SBF2: variants seen among roughly 807,000 people sequenced by gnomAD.
SBF2 encodes myotubularin-related protein 13.
In SBF2, 112 loss-of-function variants were observed where a neutral mutation model predicts 225.2. That is an observed-to-expected ratio of 0.50 (90% CI 0.43 to 0.58). The LOEUF (loss-of-function observed/expected upper bound fraction) is 0.58, where lower values mean the gene tolerates loss of function less well. Ranked by LOEUF, SBF2 falls within the 20% of genes least tolerant of loss-of-function variation. SBF2 has a pLI of 0.00. For synonymous variants in SBF2, 763 were observed against 773.3 expected (o/e 0.99, Z 0.22); for missense variants, 1,996 against 2,206.2 (o/e 0.90, Z 1.91).
At chr11:10,117,239 G>A (rs919545269) in intron 2 of SBF2, among the ~76,000 whole-genome samples, 7 of 151,906 alleles carry the variant, frequency 4.6e-5, no homozygotes, top group South Asian at 2.1e-4. Context: ...TTAGGAGTTC[G>A]AGACCAGCCT....
At chr11:10,155,522 A>G (rs1021661220) in intron 2 of SBF2, among the ~76,000 whole-genome samples, 3 of 152,148 alleles carry the variant, frequency 2.0e-5, no homozygotes, top group African/African-American at 7.2e-5. Flanking sequence ...AATAATATTT[A>G]TGTTTATAGT....
chr11:10,030,731 A>G (rs1335891742), intron 4 of SBF2, among the ~76,000 whole-genome samples: 1 of 152,198 alleles, frequency 6.6e-6, no homozygotes, highest in Non-Finnish European at 1.5e-5. Flanking sequence ...CGAATTTGTT[A>G]AATCACTCAT....
In SBF2 at chr11:10,271,719, T is replaced by C. The variant is rs1204763761; in HGVS notation, c.55+22296A>G. On this transcript the variant is annotated intron_variant, in intron 1 of 39. Transcript: ENST00000256190. ...ATGTAAACATCCAGTAAATGAAACA[T>C]ACATGATATTCCAGGTATAGAAATC... Among the ~76,000 whole-genome samples the C allele has an allele frequency of 2.5e-5, 3 of 118,532 alleles. 1 individual carries two copies. The highest frequency in any genetic ancestry group is 5.7e-4 in the South Asian group (2 of 3,508). The allele number at this position is 118,532 out of a possible 152,430, so 77.8% of individuals were successfully genotyped here.
intron 16 of SBF2, among the ~76,000 whole-genome samples, chr11:9,908,321 G>C (rs1564985503): frequency 6.6e-6 from 1 of 152,218 alleles, no homozygotes; most frequent in African/African-American, 2.4e-5. Context: ...ACTGGAAATT[G>C]TGAATAGAGA....
At chr11:10,126,852 TTTAAAAAGGAAAGA>T (rs1953779435) in intron 2 of SBF2, among the ~76,000 whole-genome samples, 1 of 152,062 alleles carries the variant, frequency 6.6e-6, no homozygotes. Flanking sequence ...ATTATTCATG[TTTAAAAAGGAAAGA>T]AATTCTGATA....
chr11:9,813,578 G>A (rs1038217743), intron 29 of SBF2, among the ~76,000 whole-genome samples: 3 of 152,060 alleles, frequency 2.0e-5, no homozygotes, highest in South Asian at 2.1e-4. Flanking sequence ...CGCCCACCTC[G>A]GCCTCCCAAA....
chr11:10,085,279 C>T (rs1011189172), intron 2 of SBF2, among the ~76,000 whole-genome samples: 1 of 152,140 alleles, frequency 6.6e-6, no homozygotes, highest in African/African-American at 2.4e-5. Flanking sequence ...TTCTCTCAAA[C>T]TCGTATTACA....
intron 6 of SBF2, among the ~76,000 whole-genome samples, chr11:10,022,142 T>C (rs1452874341): frequency 6.6e-6 from 1 of 152,196 alleles, no homozygotes. Context: ...ATTTATTCAA[T>C]AAACATTGAT....
intron 1 of SBF2, among the ~76,000 whole-genome samples, chr11:10,226,582 T>C (rs995924407): frequency 3.3e-5 from 5 of 151,996 alleles, no homozygotes; most frequent in Non-Finnish European, 7.4e-5. Context: ...ATGAGGTGTT[T>C]GGTTTTTTGT....
At chr11:9,869,992 A>G (rs1335475494) in intron 17 of SBF2, among the ~76,000 whole-genome samples, 2 of 152,214 alleles carry the variant, frequency 1.3e-5, no homozygotes, top group Non-Finnish European at 2.9e-5. Flanking sequence ...GCTGATAAGC[A>G]ACTTCAGCGA....
At chr11:9,864,062 G>A (rs918848507) in intron 17 of SBF2, among the ~76,000 whole-genome samples, 1 of 152,188 alleles carries the variant, frequency 6.6e-6, no homozygotes, top group African/African-American at 2.4e-5. Context: ...AACTCAGTTA[G>A]CAGGAGCAGA....
At chr11:10,113,466 C>A (rs2135021445) in intron 2 of SBF2, among the ~76,000 whole-genome samples, 1 of 151,984 alleles carries the variant, frequency 6.6e-6, no homozygotes, top group African/African-American at 2.4e-5. Flanking sequence ...ATAATGAGAG[C>A]AAATATAATT....
At chr11:10,003,475 C>T (rs1948061797) in intron 6 of SBF2, among the ~76,000 whole-genome samples, 2 of 151,732 alleles carry the variant, frequency 1.3e-5, no homozygotes, top group South Asian at 4.2e-4. Flanking sequence ...TCATGACATT[C>T]TCCTGCCTCA....
chr11:10,299,154 C>G (rs543728469), upstream of SBF2, among the ~76,000 whole-genome samples: 1 of 151,780 alleles, frequency 6.6e-6, no homozygotes, highest in Non-Finnish European at 1.5e-5. Flanking sequence ...CTGGCTAACA[C>G]GGTGAAACCC....
chr11:10,126,721 A>G (rs1178518922), intron 2 of SBF2, among the ~76,000 whole-genome samples: 1 of 152,122 alleles, frequency 6.6e-6, no homozygotes, highest in Non-Finnish European at 1.5e-5. Flanking sequence ...ATTCAAACAG[A>G]TATTTGTCTA....
At chr11:9,842,568 T>A in intron 25 of SBF2, 57 bp downstream of exon 25, 1 of 1,569,188 alleles carries the variant, frequency 6.4e-7, no homozygotes, top group Non-Finnish European at 8.8e-7. Context: ...CATCTGAGTC[T>A]CTTATTCATA....
rs1964621818 is a variant in SBF2 at position 10,303,783 on chromosome 11, C to G, written n.386+709G>C. ...ACCCCAGAAACCCACAAGCACGAAGCAGGAAGCCCCGTGGCTTAGCCTTTC... is the reference window on the plus strand; with the variant it reads ...ACCCCAGAAACCCACAAGCACGAAGGAGGAAGCCCCGTGGCTTAGCCTTTC... On this transcript the variant is annotated intron_variant and non_coding_transcript_variant, in intron 1 of 5. Coordinates refer to the SBF2 transcript ENST00000685217. The surrounding 1 kb of genome is among the most constrained non-coding windows in gnomAD (Gnocchi z 5.2). 2 of 152,302 alleles carry G rather than the reference C, an allele frequency of 1.3e-5. No homozygotes were observed. Among genetic ancestry groups the G allele is most frequent in the African/African-American group, 4.8e-5 (2 of 41,440 alleles). 9.4% of individuals were successfully genotyped at this position (152,302 alleles called of 1,614,324 possible).
At chr11:10,294,861 T>C (rs1349348371), upstream of SBF2, among the ~76,000 whole-genome samples, 2 of 152,282 alleles carry the variant, frequency 1.3e-5, no homozygotes, top group Non-Finnish European at 2.9e-5. Flanking sequence ...GGCCTCTCCC[T>C]GGGGAGCCCC....
intron 6 of SBF2, among the ~76,000 whole-genome samples, chr11:10,017,315 T>G (rs16907372): frequency 0.053 from 8,087 of 152,302 alleles, 301 homozygotes; most frequent in Middle Eastern, 0.16. Flanking sequence ...AGACCATGTT[T>G]CAAAACAGAA....
Sources: allele counts gnomAD v4.1 joint callset (sites outside exome capture counted in the v4.1 genomes callset), GRCh38; gene constraint gnomAD v4.1.1; non-coding constraint Gnocchi (gnomAD v3.1); transcripts MANE v1.5; gene names NCBI Gene and HGNC (gene_info 2026-07-23, HGNC 2026-07-21).